SCGB1A1: variants seen among roughly 807,000 people sequenced by gnomAD.
SCGB1A1 encodes the protein uteroglobin.
In SCGB1A1, 8 loss-of-function variants were observed where a neutral mutation model predicts 7.5. The observed-to-expected ratio is 1.07, with a 90% CI of 0.63 to 1.92. The LOEUF (loss-of-function observed/expected upper bound fraction) is 1.92, where lower values mean the gene tolerates loss of function less well. Ranked by LOEUF, SCGB1A1 falls within the 30% of genes most tolerant of loss-of-function variation. The pLI is 0.00. For missense variants in SCGB1A1, 121 were observed against 112.7 expected (o/e 1.07, Z -0.33); for synonymous variants, 44 against 40.8 (o/e 1.08, Z -0.30).
At chr11:62,419,349 A>G (rs1424259819) in intron 1 of SCGB1A1, among the ~76,000 whole-genome samples, 199 bp downstream of exon 1, 1 of 152,236 alleles carries the variant, frequency 6.6e-6, no homozygotes, top group East Asian at 1.9e-4. Context: ...GCTGTAAGGA[A>G]GCCTAAAAAG....
chr11:62,421,963 A>G (rs1937804955), intron 1 of SCGB1A1: 2 of 281,546 alleles, frequency 7.1e-6, no homozygotes, highest in East Asian at 5.9e-5. Flanking sequence ...GCATTAAAAA[A>G]TCAGGCCAGC....
intron 1 of SCGB1A1, among the ~76,000 whole-genome samples, chr11:62,420,014 T>C (rs1937740796): frequency 6.6e-6 from 1 of 152,222 alleles, no homozygotes; most frequent in Non-Finnish European, 1.5e-5. Flanking sequence ...ATAAGTTTTA[T>C]GACCCTGGGG....
chr11:62,420,872 T>A (rs1335805376), intron 1 of SCGB1A1, among the ~76,000 whole-genome samples: 1 of 151,516 alleles, frequency 6.6e-6, no homozygotes, highest in African/African-American at 2.4e-5. Context: ...GAGGCAGAGG[T>A]TGCAGTCAGC....
chr11:62,420,081 T>C (rs890295646), intron 1 of SCGB1A1, among the ~76,000 whole-genome samples: 22 of 152,186 alleles, frequency 1.4e-4, no homozygotes, highest in African/African-American at 4.8e-4. Flanking sequence ...GAGAGGTTTA[T>C]TTGTTTTTCA....
intron 2 of SCGB1A1, 86 bp from the exon 3 acceptor site, chr11:62,422,973 T>C: frequency 7.7e-7 from 1 of 1,292,342 alleles, no homozygotes; most frequent in South Asian, 1.2e-5. Context: ...AATGTTGAAG[T>C]TTCTGTGGCT....
chr11:62,420,613 C>T (rs780350088), intron 1 of SCGB1A1, among the ~76,000 whole-genome samples: 3 of 146,516 alleles, frequency 2.0e-5, no homozygotes, highest in Non-Finnish European at 3.0e-5. Context: ...CCTGGCCTCT[C>T]TTTTTATTCT....
chr11:62,422,910 A>G, intron 2 of SCGB1A1, 149 bp from the exon 3 acceptor site: 3 of 733,640 alleles, frequency 4.1e-6, no homozygotes, highest in African/African-American at 1.7e-5. Context: ...TTGAGAAACA[A>G]TCCAAGCCCT....
chr11:62,423,081 T>G lies in SCGB1A1; in HGVS notation c.266T>G (p.Leu89Arg). 6.2e-7 allele frequency: 1 copy of G among 1,614,188 alleles called. No homozygotes were observed. Among genetic ancestry groups the G allele is most frequent in the Non-Finnish European group, 8.5e-7 (1 of 1,180,022 alleles). Reference sequence around the variant, plus strand: ...TAGGAAAAAATAGCCCAAAGCTCACTGTGTAATTAGCATTTAGAAGCTGAA... The same window carrying G: ...TAGGAAAAAATAGCCCAAAGCTCACGGTGTAATTAGCATTTAGAAGCTGAA... ...KLMEKIAQSSLCN is the reference protein window; with the variant it reads ...KLMEKIAQSSRCN The change falls in exon 3 of 3, where the codon CTG becomes CGG. Residue 89 changes from leucine (L) to arginine (R), a missense_variant. Physicochemically the swap from Leu to Arg is moderately radical, Grantham distance 102 (BLOSUM62 -2). Coordinates refer to ENST00000278282, the MANE Select transcript of SCGB1A1 (RefSeq NM_003357.5).
chr11:62,422,380 A>C lies in SCGB1A1; in HGVS notation c.215A>C (p.Lys72Thr). The change falls in exon 2 of 3, where the codon AAG becomes ACG. Residue 72 changes from lysine to threonine, a missense_variant. Coordinates refer to ENST00000278282, the MANE Select transcript of SCGB1A1 (RefSeq NM_003357.5). The stretch of plus-strand genomic sequence containing the variant: ...AAGCTGGTGGACACCCTCCCCCAAA[A>C]GCCCAGAGAAAGCATCATTAAGCTC... ...LKKLVDTLPQ[K>T]PRESIIKLME... The C allele has an allele frequency of 6.2e-7, 1 of 1,613,766 alleles. No individual in the cohort carries two copies. The highest frequency in any genetic ancestry group is 8.5e-7 in the Non-Finnish European group (1 of 1,179,758).
Position 62,421,461 on chromosome 11 carries a change from CTTT to C in SCGB1A1, c.56-758_56-756del, listed in dbSNP as rs1356590658. Among the ~76,000 whole-genome samples, 1,005 of 150,436 alleles carry C rather than the reference CTTT, an allele frequency of 6.7e-3. 12 individuals carry two copies. Among genetic ancestry groups the C allele is most frequent in the African/African-American group, 0.024 (972 of 40,976 alleles). ...TGGTACAATCTCAATGGCTTCTTTT[CTTT>C]TCTTTTCTTTTCTTCTTTTTCTTTT... is the stretch of plus-strand genomic sequence containing the variant. On this transcript the variant is annotated intron_variant, in intron 1 of 2. Transcript: ENST00000278282.
chr11:62,419,183 G>A, intron 1 of SCGB1A1, 33 bp downstream of exon 1: 3 of 1,439,360 alleles, frequency 2.1e-6, no homozygotes, highest in Non-Finnish European at 9.2e-7. Flanking sequence ...CTCCCTCCTG[G>A]ACTTAGGAAC....
intron 1 of SCGB1A1, among the ~76,000 whole-genome samples, chr11:62,421,408 C>T (rs1035775184): frequency 1.3e-5 from 2 of 152,138 alleles, no homozygotes; most frequent in Non-Finnish European, 2.9e-5. Context: ...CACCTCTTCC[C>T]GGCCAGGTTC....
At chr11:62,421,737 T>C (rs41505453) in intron 1 of SCGB1A1, 12,866 of 152,156 alleles carry the variant, frequency 0.085, 600 homozygotes, top group South Asian at 0.13. Flanking sequence ...GGTCTCGAAC[T>C]CCTGACCTCG....
Position 62,423,167 on chromosome 11 carries a change from G to C in SCGB1A1, c.*76G>C, listed in dbSNP as rs1031942247. The C allele has an allele frequency of 2.6e-5, 38 of 1,471,854 alleles. No individual in the cohort carries two copies. Among genetic ancestry groups the C allele is most frequent in the Non-Finnish European group, 3.5e-5 (37 of 1,052,274 alleles). The allele number at this position is 1,471,854 out of a possible 1,614,324, so 91.2% of individuals were successfully genotyped here. A position where few individuals can be genotyped will look rare whatever the true frequency, so the allele number is the denominator to read the frequency against. ...CTTTGAGTCCACGCCCACCAGCCTT[G>C]CTCTCTTCAATAAACCACAAGCATC... On this transcript the variant is annotated 3_prime_UTR_variant, in exon 3 of 3. Transcript: ENST00000278282.
At chr11:62,419,636 G>A (rs1937730031) in intron 1 of SCGB1A1, among the ~76,000 whole-genome samples, 1 of 152,180 alleles carries the variant, frequency 6.6e-6, no homozygotes, top group African/African-American at 2.4e-5. Flanking sequence ...CTCTCATTCT[G>A]GGCACAGAGG....
intron 1 of SCGB1A1, among the ~76,000 whole-genome samples, chr11:62,421,026 A>G (rs956059978): frequency 6.6e-6 from 1 of 152,222 alleles, no homozygotes; most frequent in African/African-American, 2.4e-5. Flanking sequence ...TTCCCATTTT[A>G]CAGATGAGAA....
intron 1 of SCGB1A1, among the ~76,000 whole-genome samples, chr11:62,419,891 C>G (rs991246341): frequency 1.3e-5 from 2 of 152,184 alleles, no homozygotes; most frequent in African/African-American, 4.8e-5. Flanking sequence ...TTATCTAACT[C>G]TGTTTTTCAC....
chr11:62,421,610 C>T (rs1460907335), intron 1 of SCGB1A1, among the ~76,000 whole-genome samples: 2 of 152,044 alleles, frequency 1.3e-5, no homozygotes, highest in Admixed American at 6.6e-5. Context: ...TTCCTGGATT[C>T]AAGTGATTCT....
In SCGB1A1 at chr11:62,422,398, T is replaced by C. The variant is rs1937820268; in HGVS notation, c.233T>C (p.Ile78Thr). The change falls in exon 2 of 3, where the codon ATT becomes ACT. Residue 78 changes from isoleucine (I) to threonine (T), a missense_variant. Physicochemically the swap from Ile to Thr is moderately conservative, Grantham distance 89 (BLOSUM62 -1). Transcript: ENST00000278282. Reference protein sequence around the residue: ...TLPQKPRESIIKLMEKIAQSS... With the variant: ...TLPQKPRESITKLMEKIAQSS... The stretch of plus-strand genomic sequence containing the variant: ...CCCCAAAAGCCCAGAGAAAGCATCA[T>C]TAAGCTCATGGTAACCAGCACCTTT... 6.2e-7 allele frequency: 1 copy of C among 1,612,806 alleles called. No individual in the cohort carries two copies. Among genetic ancestry groups the C allele is most frequent in the South Asian group, 1.1e-5 (1 of 90,964 alleles).
Sources: allele counts gnomAD v4.1 joint callset (sites outside exome capture counted in the v4.1 genomes callset), GRCh38; gene constraint gnomAD v4.1.1; transcripts MANE v1.5; gene names NCBI Gene and HGNC (gene_info 2026-07-23, HGNC 2026-07-21).